CECR2: variants seen among roughly 807,000 people sequenced by gnomAD.
The protein encoded by CECR2 is chromatin remodeling regulator CECR2.
Under a neutral mutation model 154.5 loss-of-function variants are expected in CECR2, and 30 were observed. That is an observed-to-expected ratio of 0.19 (90% CI 0.15 to 0.26). The LOEUF (loss-of-function observed/expected upper bound fraction) is 0.26. CECR2 is among the 10% of genes least tolerant of loss of function. CECR2 has a pLI of 1.00. For missense variants in CECR2, 1,743 were observed against 1,829.3 expected (o/e 0.95, Z 0.86); for synonymous variants, 725 against 683.7 (o/e 1.06, Z -0.94).
intron 9 of CECR2, among the ~76,000 whole-genome samples, chr22:17,535,249 C>T (rs867412276): frequency 6.6e-6 from 1 of 151,804 alleles, no homozygotes; most frequent in Non-Finnish European, 1.5e-5. Flanking sequence ...ACCTGGGAGG[C>T]GGAGGTTGCA....
intron 1 of CECR2, among the ~76,000 whole-genome samples, chr22:17,396,815 AC>A (rs1569054593): frequency 6.6e-6 from 1 of 152,230 alleles, no homozygotes; most frequent in Non-Finnish European, 1.5e-5. Context: ...ACAGCCCAGA[AC>A]CAGAAGGACA....
intron 1 of CECR2, among the ~76,000 whole-genome samples, chr22:17,441,757 A>G (rs1432534290): frequency 6.6e-6 from 1 of 152,236 alleles, no homozygotes; most frequent in African/African-American, 2.4e-5. Context: ...TTTACATGGA[A>G]ACAAGATTAA....
At chr22:17,370,504 G>A (rs1181998971) in intron 1 of CECR2, among the ~76,000 whole-genome samples, 2 of 152,136 alleles carry the variant, frequency 1.3e-5, no homozygotes, top group Admixed American at 6.5e-5. Flanking sequence ...GGGCTCTGGA[G>A]GTGTGGAAGG....
At chr22:17,473,039 C>T (rs910042834) in intron 1 of CECR2, among the ~76,000 whole-genome samples, 4 of 152,082 alleles carry the variant, frequency 2.6e-5, no homozygotes, top group Admixed American at 1.3e-4. Context: ...AGCCACTGCA[C>T]GGCTCGAAGG....
intron 4 of CECR2, among the ~76,000 whole-genome samples, chr22:17,499,771 A>G (rs948700149): frequency 1.3e-5 from 2 of 152,206 alleles, no homozygotes; most frequent in Non-Finnish European, 2.9e-5. Context: ...AGTTCTTGAT[A>G]GGAGGTTTCT....
intron 1 of CECR2, among the ~76,000 whole-genome samples, chr22:17,390,566 T>G (rs2063315523): frequency 6.6e-6 from 1 of 152,232 alleles, no homozygotes; most frequent in Admixed American, 6.5e-5. Flanking sequence ...GATTCCTTTT[T>G]ACAAGTTGGC....
At chr22:17,522,825 T>C (rs976596585) in intron 8 of CECR2, among the ~76,000 whole-genome samples, 1 of 151,612 alleles carries the variant, frequency 6.6e-6, no homozygotes, top group Non-Finnish European at 1.5e-5. Context: ...GTCAACATGG[T>C]GAAATCCCAT....
chr22:17,369,355 T>C (rs1323289537), upstream of CECR2: 1 of 147,276 alleles, frequency 6.8e-6, no homozygotes, highest in Non-Finnish European at 1.5e-5. Context: ...CGGGCGGGGG[T>C]GGGGCGGGGG....
intron 1 of CECR2, among the ~76,000 whole-genome samples, chr22:17,409,124 G>T (rs892049488): frequency 6.6e-6 from 1 of 150,552 alleles, no homozygotes; most frequent in Non-Finnish European, 1.5e-5. Context: ...TTGTTTTCTT[G>T]TTTTTTTTTG....
At chr22:17,499,314 T>C (rs56268553) in intron 3 of CECR2, 96 bp from the exon 4 acceptor site, 228,272 of 1,436,696 alleles carry the variant, frequency 0.16, 19,766 homozygotes, top group Non-Finnish European at 0.18. Context: ...TAGATTTGAG[T>C]TATGCTTACG....
At chr22:17,411,291 TA>T (rs1378777442) in intron 1 of CECR2, among the ~76,000 whole-genome samples, 2 of 152,236 alleles carry the variant, frequency 1.3e-5, no homozygotes, top group African/African-American at 4.8e-5. Context: ...AAATCTTGAT[TA>T]CTTGTACAAT....
At chr22:17,382,106 G>T (rs545345773) in intron 1 of CECR2, among the ~76,000 whole-genome samples, 12 of 151,562 alleles carry the variant, frequency 7.9e-5, no homozygotes, top group South Asian at 2.1e-4. Flanking sequence ...TAGCCAGGAT[G>T]GTCTTGATCT....
chr22:17,538,923 GTCTC>G (rs1025899256), intron 12 of CECR2, 66 bp from the exon 13 acceptor site: 201 of 1,486,380 alleles, frequency 1.4e-4, no homozygotes, highest in Non-Finnish European at 1.7e-4. Flanking sequence ...TTATCTCTCT[GTCTC>G]TCTCTCTCTA....
chr22:17,380,914 T>G (rs2063180346), intron 1 of CECR2, among the ~76,000 whole-genome samples: 1 of 152,200 alleles, frequency 6.6e-6, no homozygotes, highest in Non-Finnish European at 1.5e-5. Flanking sequence ...GACAGTTGAT[T>G]TGCTTGACAG....
chr22:17,551,203 G>A (rs537073170), intron 17 of CECR2, among the ~76,000 whole-genome samples: 1 of 152,290 alleles, frequency 6.6e-6, no homozygotes, highest in South Asian at 2.1e-4. Context: ...GAATGGACAT[G>A]CCTTGGAGCA....
intron 7 of CECR2, among the ~76,000 whole-genome samples, chr22:17,509,441 T>TC (rs964771110): frequency 1.1e-4 from 17 of 150,756 alleles, no homozygotes; most frequent in Non-Finnish European, 3.0e-5. Context: ...TTTTTTTTTT[T>TC]AAACAGAGAC....
rs762920073 is a variant in CECR2 at position 17,511,790 on chromosome 22, C to CTCT, written c.871-17_871-15dup. 1.0e-5 allele frequency: 16 copies of CTCT among 1,594,758 alleles called. No individual in the cohort carries two copies. In the African/African-American group the frequency reaches 2.0e-4, roughly 20 times the overall value. ...AACACCCTAATCTATCTTTTCCTTTCTCTTCTTCACTTCTAACTATAGGGA... is the reference window on the plus strand; with the variant it reads ...AACACCCTAATCTATCTTTTCCTTTCTCTTCTTCTTCACTTCTAACTATAGGGA... On this transcript the variant is annotated intron_variant, in intron 7 of 18. Transcript: ENST00000262608.
chr22:17,536,966 G>A, intron 9 of CECR2, 137 bp from the exon 10 acceptor site: 1 of 894,222 alleles, frequency 1.1e-6, no homozygotes, highest in Admixed American at 2.9e-5. Flanking sequence ...CCAAAAAGAG[G>A]GTGGCACAGG....
chr22:17,538,857 G>A (rs2147016116), intron 12 of CECR2, 126 bp downstream of exon 12: 3 of 1,313,372 alleles, frequency 2.3e-6, no homozygotes, highest in Non-Finnish European at 3.2e-6. Flanking sequence ...AAAAGTTCAT[G>A]TGATGTTTCT....
Sources: allele counts gnomAD v4.1 joint callset (sites outside exome capture counted in the v4.1 genomes callset), GRCh38; gene constraint gnomAD v4.1.1; transcripts MANE v1.5; gene names NCBI Gene and HGNC (gene_info 2026-07-23, HGNC 2026-07-21).